MACF1: variants seen among roughly 807,000 people sequenced by gnomAD.
The protein encoded by MACF1 is microtubule-actin cross-linking factor 1.
In MACF1, 193 loss-of-function variants were observed where a neutral mutation model predicts 854.8. The observed-to-expected ratio is 0.23, with a 90% CI of 0.20 to 0.25. The LOEUF (loss-of-function observed/expected upper bound fraction) is 0.25. Among genes scored for constraint, MACF1 ranks in the 10% least tolerant of loss-of-function variants. The probability of loss-of-function intolerance (pLI) is 1.00; values close to 1 mark genes in which losing one functional copy is unlikely to be tolerated. For missense variants in MACF1, 7,722 were observed against 8,929.1 expected (o/e 0.86, Z 5.45); for synonymous variants, 3,185 against 3,226.7 (o/e 0.99, Z 0.44).
intron 58 of MACF1, among the ~76,000 whole-genome samples, chr1:39,395,665 C>T (rs1642244867): frequency 6.6e-6 from 1 of 152,150 alleles, no homozygotes; most frequent in African/African-American, 2.4e-5. Context: ...CACAGCCAAC[C>T]AAGAGTTTGG....
chr1:39,190,591 G>A lies in MACF1; in HGVS notation c.221-40591G>A, dbSNP rs578026201. On this transcript the variant is annotated intron_variant, in intron 2 of 93. Coordinates refer to the MACF1 transcript ENST00000361689. ...CTGGGCTCAAGAAATCTGCCCTCTC[G>A]GCCTCCCAAAGTACTGCGATTACAG... Among the ~76,000 whole-genome samples the A allele has an allele frequency of 3.3e-5, 5 of 151,028 alleles. No individual in the cohort carries two copies. In the South Asian group the frequency reaches 6.3e-4, roughly 19 times the overall value.
intron 6 of MACF1, chr1:39,269,599 C>T: frequency 7.8e-7 from 1 of 1,289,726 alleles, no homozygotes; most frequent in Non-Finnish European, 1.0e-6. Flanking sequence ...AGTGATGGGC[C>T]ACACATACAT....
intron 6 of MACF1, among the ~76,000 whole-genome samples, chr1:39,278,278 AT>A (rs1332533841): frequency 3.9e-5 from 6 of 152,186 alleles, no homozygotes; most frequent in Non-Finnish European, 8.8e-5. Context: ...GCCAAATTTA[AT>A]TACTGAGATG....
intron 58 of MACF1, chr1:39,414,320 C>T: frequency 6.2e-7 from 1 of 1,614,024 alleles, no homozygotes. Flanking sequence ...GTGCCTATTT[C>T]AGAAGAAGGA....
chr1:39,343,037 T>TCTAG (rs1569591223), intron 40 of MACF1, among the ~76,000 whole-genome samples: 1 of 152,178 alleles, frequency 6.6e-6, no homozygotes, highest in East Asian at 1.9e-4. Context: ...ACCCCCCTGC[T>TCTAG]CTAGAGAGTT....
chr1:39,409,078 C>T lies in MACF1; in HGVS notation c.15817-13296C>T, dbSNP rs1441958258. 2.6e-5 allele frequency among the ~76,000 whole-genome samples: 4 copies of T among 151,762 alleles called. No individual in the cohort carries two copies. The East Asian group carries it at 5.9e-4, about 22-fold the overall frequency. The stretch of plus-strand genomic sequence containing the variant: ...AGGAGAGCCGCCCGCCAGCCGAGCA[C>T]TTCCAGCGAGCTAGCGAGCTAGCGG... On this transcript the variant is annotated intron_variant, in intron 58 of 100. Coordinates refer to ENST00000564288, the MANE Select transcript of MACF1 (RefSeq NM_001394062.1). This position sits in a 1 kb window ranked among gnomAD's most constrained non-coding sequence, Gnocchi z 4.2.
chr1:39,348,790 A>G (rs1378929759), intron 41 of MACF1, among the ~76,000 whole-genome samples: 3 of 152,184 alleles, frequency 2.0e-5, no homozygotes, highest in Admixed American at 2.0e-4. Context: ...TAGAGAAAGG[A>G]TCAGGCACAG....
At chr1:39,239,731 G>A (rs1413221149) in intron 2 of MACF1, among the ~76,000 whole-genome samples, 1 of 152,202 alleles carries the variant, frequency 6.6e-6, no homozygotes, top group African/African-American at 2.4e-5. Context: ...TCACAGGTTA[G>A]TAGTTAGAAA....
chr1:39,213,374 C>T (rs1296194617), intron 1 of MACF1, among the ~76,000 whole-genome samples: 1 of 152,132 alleles, frequency 6.6e-6, no homozygotes, highest in Non-Finnish European at 1.5e-5. Context: ...CTCTGTGGCC[C>T]AGGCTGGAGT....
rs1177994115 is a variant in MACF1 at position 39,441,143 on chromosome 1, A to G, written c.18570+18A>G. On this transcript the variant is annotated intron_variant, in intron 73 of 100. Coordinates refer to ENST00000564288, the MANE Select transcript of MACF1 (RefSeq NM_001394062.1). The stretch of plus-strand genomic sequence containing the variant: ...TTGATGAGGTGTGGAGAAATGGATG[A>G]GGCACTCAGTTAGAACATTAGTGGG... 2.5e-6 allele frequency: 4 copies of G among 1,614,202 alleles called. No individual in the cohort carries two copies. Among genetic ancestry groups the G allele is most frequent in the Non-Finnish European group, 3.4e-6 (4 of 1,180,024 alleles).
intron 58 of MACF1, among the ~76,000 whole-genome samples, 197 bp from the exon 59 acceptor site, chr1:39,422,177 A>T (rs1643565764): frequency 5.9e-5 from 9 of 152,350 alleles, no homozygotes; most frequent in Admixed American, 5.2e-4. Flanking sequence ...CTCTGTAATT[A>T]CATGTCCATA....
At chr1:39,190,744 C>G (rs554378599) in intron 2 of MACF1, among the ~76,000 whole-genome samples, 32 of 151,988 alleles carry the variant, frequency 2.1e-4, no homozygotes, top group Admixed American at 5.9e-4. Context: ...CCTGTAATTC[C>G]AGCACTTTGG....
At chr1:39,252,085 A>C (rs1645046268) in intron 4 of MACF1, 144 bp downstream of exon 4, 1 of 476,560 alleles carries the variant, frequency 2.1e-6, no homozygotes, top group Non-Finnish European at 3.5e-6. Flanking sequence ...GGTCCCAAAG[A>C]AAGTAGTTAA....
intron 2 of MACF1, among the ~76,000 whole-genome samples, chr1:39,177,672 T>C (rs1644049076): frequency 6.6e-6 from 1 of 151,838 alleles, no homozygotes; most frequent in Admixed American, 6.6e-5. Context: ...TGATTGGCAT[T>C]GATAATATAA....
At chr1:39,408,984 C>A (rs1473327848) in intron 58 of MACF1, among the ~76,000 whole-genome samples, 2 of 151,594 alleles carry the variant, frequency 1.3e-5, no homozygotes, top group African/African-American at 2.4e-5. Flanking sequence ...CTCTCCGCGT[C>A]GCGCGCTCCC....
Position 39,359,262 on chromosome 1 carries a change from C to T in MACF1, c.12242C>T (p.Thr4081Ile), listed in dbSNP as rs1647853854. 6.2e-7 allele frequency: 1 copy of T among 1,614,102 alleles called. No homozygotes were observed. The highest frequency in any genetic ancestry group is 8.5e-7 in the Non-Finnish European group (1 of 1,180,012). ...APDHRHVQET[T>I]DSILSHFQSL... ...GACCACAGGCATGTTCAAGAAACTA[C>T]AGGTATAAAGCAGCAACAGTATAAT... The change falls in exon 47 of 101, where the codon ACA becomes ATA. Residue 4081 changes from threonine to isoleucine, a missense_variant and splice_region_variant. By Grantham distance (89) the Thr-to-Ile change is moderately conservative (BLOSUM62 -1). Around this residue, in one of 15 missense-constraint regions of MACF1, gnomAD observed 2,807 missense variants for 3,235.8 expected, o/e 0.87. Coordinates refer to ENST00000564288, the MANE Select transcript of MACF1 (RefSeq NM_001394062.1).
chr1:39,308,657 C>CT (rs1206531148), intron 23 of MACF1, among the ~76,000 whole-genome samples: 2,371 of 145,240 alleles, frequency 0.016, 37 homozygotes, highest in African/African-American at 0.052. Flanking sequence ...CTTCAGTTTT[C>CT]TTTTTTTTTT....
In MACF1 at chr1:39,334,658, T is replaced by TG; in HGVS notation, c.8072dup (p.Gly2692TrpfsTer24). On this transcript the variant is annotated frameshift_variant, in exon 37 of 101. Transcript: ENST00000564288. LOFTEE classifies it high-confidence loss of function. ...AGGTTCTAGAAGCCCAGGCAAATAC[T>TG]GGTGGAATCATAGATACTGCTACTG... The TG allele has an allele frequency of 6.2e-7, 1 of 1,614,114 alleles. No homozygotes were observed. The highest frequency in any genetic ancestry group is 8.5e-7 in the Non-Finnish European group (1 of 1,179,998).
At chr1:39,166,964 G>GT (rs1207661541) in intron 2 of MACF1, among the ~76,000 whole-genome samples, 3 of 151,840 alleles carry the variant, frequency 2.0e-5, no homozygotes, top group Non-Finnish European at 4.4e-5. Context: ...GAGCAGGGAT[G>GT]TTAAATCTTT....
Sources: allele counts gnomAD v4.1 joint callset (sites outside exome capture counted in the v4.1 genomes callset), GRCh38; gene constraint gnomAD v4.1.1; regional missense constraint gnomAD v4.1.1; non-coding constraint Gnocchi (gnomAD v3.1); transcripts MANE v1.5; gene names NCBI Gene and HGNC (gene_info 2026-07-23, HGNC 2026-07-21).